The following MEGF10 variants were observed in gnomAD, a reference collection of about 807,000 sequenced individuals.
The protein encoded by MEGF10 is multiple epidermal growth factor-like domains protein 10.
Under a neutral mutation model 147.5 loss-of-function variants are expected in MEGF10, and 86 were observed. The observed-to-expected ratio is 0.58, with a 90% CI of 0.49 to 0.70. The LOEUF (loss-of-function observed/expected upper bound fraction) is 0.70, where lower values mean the gene tolerates loss of function less well. Among genes scored for constraint, MEGF10 ranks in the 30% least tolerant of loss-of-function variants. MEGF10 has a pLI of 0.00. For synonymous variants in MEGF10, 478 were observed against 525.5 expected, an observed-to-expected ratio of 0.91 and a Z score of 1.24; for missense variants, 1,329 against 1,487.3, an observed-to-expected ratio of 0.89 and a Z score of 1.75.
chr5:127,422,635 C>A, intron 12 of MEGF10, 35 bp from the exon 13 acceptor site: 1 of 1,551,716 alleles, frequency 6.4e-7, no homozygotes, highest in Non-Finnish European at 8.9e-7. Context: ...TTTCCCAGGC[C>A]CTCATTGCTG....
At chr5:127,405,189 A>G (rs895325152) in intron 8 of MEGF10, among the ~76,000 whole-genome samples, 5 of 152,234 alleles carry the variant, frequency 3.3e-5, no homozygotes, top group Admixed American at 3.3e-4. Flanking sequence ...TACAAGCTGC[A>G]TAAATATTAG....
At position 127,395,568 on chromosome 5, in the gene MEGF10, G is replaced by A. The variant is rs376359600; in HGVS notation, c.413-964G>A. Among the ~76,000 whole-genome samples the A allele has an allele frequency of 3.9e-4, 46 of 119,364 alleles. 1 individual carries two copies. Among genetic ancestry groups the A allele is most frequent in the African/African-American group, 1.5e-3 (45 of 30,724 alleles). 78.3% of individuals were successfully genotyped at this position (119,364 alleles called of 152,430 possible). A position where few individuals can be genotyped will look rare whatever the true frequency, so the allele number is the denominator to read the frequency against. On this transcript the variant is annotated intron_variant, in intron 5 of 24. Coordinates refer to ENST00000503335, the MANE Select transcript of MEGF10 (RefSeq NM_001256545.2). ...TTTTTTTTTTTTTTTTTTTTGAGAC[G>A]GAGTCTTGCTCTGTCCCCCAGGCTG...
At chr5:127,312,044 G>A (rs1195986690) in intron 1 of MEGF10, among the ~76,000 whole-genome samples, 2 of 152,156 alleles carry the variant, frequency 1.3e-5, no homozygotes, top group Admixed American at 1.3e-4. Context: ...TTTAATGTGT[G>A]CAAGTAGGCA....
At chr5:127,232,987 A>T in the MEGF10 span, among the ~76,000 whole-genome samples, 2 of 152,048 alleles carry the variant, frequency 1.3e-5, no homozygotes, top group African/African-American at 4.8e-5. Flanking sequence ...AGGTAAATTT[A>T]ATTTGTCATT....
chr5:127,308,602 C>CG (rs1375609600), intron 1 of MEGF10, among the ~76,000 whole-genome samples: 2 of 151,946 alleles, frequency 1.3e-5, no homozygotes, highest in African/African-American at 4.8e-5. Context: ...TCTCAGCAAA[C>CG]TATCGCAAGG....
chr5:127,440,619 C>T, intron 17 of MEGF10, 120 bp from the exon 18 acceptor site: 1 of 1,021,224 alleles, frequency 9.8e-7, no homozygotes, highest in South Asian at 1.5e-5. Context: ...GTACTATTCA[C>T]TGTATTCTCT....
chr5:127,339,335 G>A (rs529310483), intron 3 of MEGF10, 114 bp downstream of exon 3: 2 of 675,996 alleles, frequency 3.0e-6, no homozygotes, highest in Admixed American at 2.6e-5. Context: ...AGGTATTGAG[G>A]GCTTGCTCCT....
chr5:127,344,003 C>T (rs1761780225), intron 4 of MEGF10, among the ~76,000 whole-genome samples: 1 of 152,108 alleles, frequency 6.6e-6, no homozygotes, highest in Non-Finnish European at 1.5e-5. Context: ...CTTAGTTTAA[C>T]TTGTTTTGGG....
chr5:127,246,760 A>AAATATATAAATAATAAATAAAT, the MEGF10 span, among the ~76,000 whole-genome samples: 15 of 107,140 alleles, frequency 1.4e-4, no homozygotes, highest in African/African-American at 4.7e-4. Flanking sequence ...ATTTACATAA[A>AAATATATAAATAATAAATAAAT]ATATTTATAA....
At chr5:127,357,478 A>G (rs1356153937) in intron 4 of MEGF10, among the ~76,000 whole-genome samples, 3 of 151,804 alleles carry the variant, frequency 2.0e-5, no homozygotes, top group Admixed American at 6.6e-5. Flanking sequence ...AATGAAGACA[A>G]AAGGGAGACT....
chr5:127,278,869 T>A, the MEGF10 span, among the ~76,000 whole-genome samples: 12 of 152,326 alleles, frequency 7.9e-5, 1 homozygote, highest in Admixed American at 5.2e-4. Flanking sequence ...TCTAGAAGAA[T>A]GGAAGAGCAA....
intron 1 of MEGF10, among the ~76,000 whole-genome samples, chr5:127,317,919 G>A (rs1168329510): frequency 6.6e-6 from 1 of 152,234 alleles, no homozygotes; most frequent in East Asian, 1.9e-4. Context: ...AAAGTGAGGG[G>A]GGAGTGTGAT....
chr5:127,434,443 T>G (rs1561644707), intron 14 of MEGF10, among the ~76,000 whole-genome samples: 1 of 152,170 alleles, frequency 6.6e-6, no homozygotes, highest in African/African-American at 2.4e-5. Flanking sequence ...AATGGGAAAA[T>G]AAAGAAGACT....
At chr5:127,322,330 C>G (rs1760821747) in intron 1 of MEGF10, among the ~76,000 whole-genome samples, 1 of 152,112 alleles carries the variant, frequency 6.6e-6, no homozygotes, top group African/African-American at 2.4e-5. Context: ...TTCAAACAAT[C>G]CTGCCTCTTT....
upstream of MEGF10, among the ~76,000 whole-genome samples, chr5:127,287,606 A>G (rs1435457060): frequency 6.6e-6 from 1 of 152,022 alleles, no homozygotes. Flanking sequence ...TAATGGAGAG[A>G]TAAATGTTCA....
Position 127,433,396 on chromosome 5 carries a change from G to A in MEGF10, c.1727G>A (p.Arg576His), listed in dbSNP as rs201832505. Residue 576 changes from arginine (R) to histidine (H), a missense_variant, in exon 14 of 25, where the codon CGC becomes CAC. By Grantham distance (29) the Arg-to-His change is conservative. Around this residue, in one of 3 missense-constraint regions of MEGF10, gnomAD observed 980 missense variants for 1,085.9 expected, o/e 0.90. Coordinates refer to ENST00000503335, the MANE Select transcript of MEGF10 (RefSeq NM_001256545.2). ...TGTGACAGCGTGTGTGCTGAGGGAC[G>A]CTGGGGCCCCAACTGCTCCCTGCCC... ...VHCDSVCAEG[R>H]WGPNCSLPCY... 89 of 1,614,116 alleles carry A rather than the reference G, an allele frequency of 5.5e-5. No individual in the cohort carries two copies. Among genetic ancestry groups the A allele is most frequent in the Middle Eastern group, 3.3e-4 (2 of 6,062 alleles).
At chr5:127,411,666 C>T (rs557972207) in intron 9 of MEGF10, among the ~76,000 whole-genome samples, 33 of 152,244 alleles carry the variant, frequency 2.2e-4, no homozygotes, top group Non-Finnish European at 3.5e-4. Flanking sequence ...TATTAGTCAA[C>T]TTTGGTTTTC....
intron 4 of MEGF10, among the ~76,000 whole-genome samples, chr5:127,368,830 G>A (rs1762747015): frequency 6.6e-6 from 1 of 151,936 alleles, no homozygotes; most frequent in African/African-American, 2.4e-5. Context: ...TAATGACATG[G>A]AAATATTACT....
intron 1 of MEGF10, among the ~76,000 whole-genome samples, chr5:127,323,574 A>G (rs1760879114): frequency 1.3e-5 from 2 of 152,228 alleles, no homozygotes; most frequent in South Asian, 2.1e-4. Context: ...GATGGGCATT[A>G]TTAGGAGGTA....
Sources: allele counts gnomAD v4.1 joint callset (sites outside exome capture counted in the v4.1 genomes callset), GRCh38; gene constraint gnomAD v4.1.1; regional missense constraint gnomAD v4.1.1; transcripts MANE v1.5; gene names NCBI Gene and HGNC (gene_info 2026-07-23, HGNC 2026-07-21).